Variants in CINP observed in about 807,000 individuals in gnomAD.
CINP encodes cyclin dependent kinase 2 interacting protein.
A neutral mutation model predicts 20.5 loss-of-function variants in CINP; 11 were observed. The observed-to-expected ratio is 0.54, with a 90% confidence interval of 0.34 to 0.89. The LOEUF is 0.89. Ranked by LOEUF, CINP falls within the 40% of genes least tolerant of loss-of-function variation. The pLI, the probability that CINP is intolerant of heterozygous loss-of-function variation, is 0.02. For missense variants in CINP, 213 were observed against 251.0 expected (o/e 0.85, Z 1.02); for synonymous variants, 108 against 102.1 (o/e 1.06, Z -0.35).
At chr14:102,360,874 G>A (rs1310723182) in intron 1 of CINP, among the ~76,000 whole-genome samples, 1 of 152,114 alleles carries the variant, frequency 6.6e-6, no homozygotes, top group Non-Finnish European at 1.5e-5. Context: ...CTCATACTTA[G>A]TATCCTCACT....
chr14:102,349,903 A>G lies in CINP; in HGVS notation c.436+16T>C. Reference sequence around the variant, plus strand: ...CCTTTACCCTCCTGAAAATCAACTGAGAAGGAACTACTTACAGAAATGGGT... The same window carrying G: ...CCTTTACCCTCCTGAAAATCAACTGGGAAGGAACTACTTACAGAAATGGGT... On this transcript the variant is annotated intron_variant, in intron 4 of 4. Transcript: ENST00000216756. 3 of 1,613,574 alleles carry G rather than the reference A, an allele frequency of 1.9e-6. No individual in the cohort carries two copies. Among genetic ancestry groups the G allele is most frequent in the South Asian group, 2.2e-5 (2 of 90,914 alleles).
intron 2 of CINP, 111 bp from the exon 3 acceptor site, chr14:102,356,008 G>T: frequency 9.0e-7 from 1 of 1,105,272 alleles, no homozygotes; most frequent in Non-Finnish European, 1.3e-6. Context: ...GGGACATTTT[G>T]CATAAGCATT....
chr14:102,354,101 T>C (rs1886938764), intron 3 of CINP, among the ~76,000 whole-genome samples: 2 of 152,154 alleles, frequency 1.3e-5, no homozygotes, highest in Admixed American at 6.5e-5. Context: ...GGTGAAAATA[T>C]AAAGATCTTA....
At position 102,359,455 on chromosome 14, in the gene CINP, G is replaced by C. The variant is rs1041974009; in HGVS notation, c.140C>G (p.Thr47Ser). 1.9e-6 allele frequency: 3 copies of C among 1,604,004 alleles called. No individual in the cohort carries two copies. Among genetic ancestry groups the C allele is most frequent in the East Asian group, 2.2e-5 (1 of 44,544 alleles). The change falls in exon 2 of 5, where the codon ACT becomes AGT. Residue 47 changes from threonine to serine, a missense_variant. Thr to Ser is a moderately conservative substitution (Grantham distance 58). Transcript: ENST00000216756. ...WETLNDAGFT[T>S]ANNIANLKIS... is the part of the protein sequence containing the mutation. ...TTTCAAGTTGGCAATATTATTTGCA[G>C]TGGTAAAACCTGCATCATTGAGGGT...
intron 4 of CINP, among the ~76,000 whole-genome samples, chr14:102,349,682 A>G (rs1182553134): frequency 1.3e-5 from 2 of 152,218 alleles, no homozygotes; most frequent in African/African-American, 4.8e-5. Flanking sequence ...CATTGGTTTT[A>G]GAGGCCTAAT....
intron 3 of CINP, chr14:102,352,621 C>T: frequency 2.3e-6 from 1 of 444,162 alleles, no homozygotes; most frequent in Non-Finnish European, 4.5e-6. Context: ...TGGTTTTGAA[C>T]ATAGAATGAG....
rs1255422318 is a variant in CINP, at chr14:102,348,385, G to A, written c.*172C>T. 4 of 619,088 alleles carry A rather than the reference G, an allele frequency of 6.5e-6. No homozygotes were observed. The highest frequency in any genetic ancestry group is 1.1e-5 in the Non-Finnish European group (4 of 356,862). 38.3% of individuals were successfully genotyped at this position (619,088 alleles called of 1,614,324 possible). A position where few individuals can be genotyped will look rare whatever the true frequency, so the allele number is the denominator to read the frequency against. ...CAGCACCACGTGGGGCTGGCCGCGGGTTGTGGGCATGAGCACGCCTGGAGA... is the reference window on the plus strand; with the variant it reads ...CAGCACCACGTGGGGCTGGCCGCGGATTGTGGGCATGAGCACGCCTGGAGA... On this transcript the variant is annotated 3_prime_UTR_variant, in exon 5 of 5. Coordinates refer to ENST00000216756, the MANE Select transcript of CINP (RefSeq NM_032630.3).
At position 102,351,380 on chromosome 14, in the gene CINP, C is replaced by T. The variant is rs1398341200; in HGVS notation, c.307-1332G>A. On this transcript the variant is annotated intron_variant, in intron 3 of 4. Transcript: ENST00000216756. This position sits in a 1 kb window ranked among gnomAD's most constrained non-coding sequence, Gnocchi z 4.2. ...AGGCAGCACAGAATAGGGGCAATGGCGGGCTTACTTTCACAGCTTGGTGAA... is the reference window on the plus strand; with the variant it reads ...AGGCAGCACAGAATAGGGGCAATGGTGGGCTTACTTTCACAGCTTGGTGAA... Among the ~76,000 whole-genome samples, 5 of 152,074 alleles carry T rather than the reference C, an allele frequency of 3.3e-5. No homozygotes were observed. Among genetic ancestry groups the T allele is most frequent in the Admixed American group, 6.6e-5 (1 of 15,266 alleles).
At chr14:102,358,301 G>A (rs1010308959) in intron 2 of CINP, among the ~76,000 whole-genome samples, 6 of 152,212 alleles carry the variant, frequency 3.9e-5, no homozygotes, top group African/African-American at 1.2e-4. Context: ...GAGGTCTAAT[G>A]TGGGTAAACA....
At chr14:102,355,080 AAAAG>A (rs1886966788) in intron 3 of CINP, among the ~76,000 whole-genome samples, 1 of 152,012 alleles carries the variant, frequency 6.6e-6, no homozygotes, top group Admixed American at 6.6e-5. Flanking sequence ...AAAAAAAAAA[AAAAG>A]AAAATCCAAA....
At chr14:102,358,769 G>C (rs1046323758) in intron 2 of CINP, among the ~76,000 whole-genome samples, 5 of 152,106 alleles carry the variant, frequency 3.3e-5, no homozygotes, top group Non-Finnish European at 7.4e-5. Context: ...TCCAAAAATG[G>C]ATGAAAAGAA....
intron 3 of CINP, chr14:102,352,505 C>G (rs765659805): frequency 2.2e-6 from 1 of 455,942 alleles, no homozygotes; most frequent in South Asian, 1.5e-5. Flanking sequence ...GCATGAAACC[C>G]CCAGAAGGTC....
chr14:102,349,560 A>T (rs1886819909), intron 4 of CINP, among the ~76,000 whole-genome samples: 1 of 152,136 alleles, frequency 6.6e-6, no homozygotes, highest in Non-Finnish European at 1.5e-5. Context: ...TTTTTAATTA[A>T]AACAAAAAAC....
At chr14:102,362,821 G>A (rs372702056) in intron 1 of CINP, 24 bp downstream of exon 1, 6 of 1,613,924 alleles carry the variant, frequency 3.7e-6, no homozygotes, top group Admixed American at 1.7e-5. Flanking sequence ...ACCCCACCCC[G>A]GGAAAGGAAC....
At chr14:102,359,715 G>A in intron 1 of CINP, 128 bp from the exon 2 acceptor site, 1 of 571,352 alleles carries the variant, frequency 1.8e-6, no homozygotes, top group Non-Finnish European at 2.9e-6. Flanking sequence ...AAATAAATGT[G>A]GAAACTACAA....
chr14:102,359,558 T>A lies in CINP; in HGVS notation c.37A>T (p.Lys13Ter). 1.2e-6 allele frequency: 2 copies of A among 1,612,176 alleles called. No homozygotes were observed. The highest frequency in any genetic ancestry group is 1.7e-6 in the Non-Finnish European group (2 of 1,179,010). ...AKTLGTVTPR[K>*]PVLSVSARKI... ...CTTGCACTGACAGATAAGACAGGTT[T>A]TCTGGGCGTTACAGTTCCAAGAGTC... The change falls in exon 2 of 5, where the codon AAA becomes TAA. Residue 13 changes from lysine (K) to a stop codon, truncating the protein, a stop_gained. Coordinates refer to ENST00000216756, the MANE Select transcript of CINP (RefSeq NM_032630.3). LOFTEE classifies it high-confidence loss of function.
In CINP at chr14:102,348,475, A is replaced by C; in HGVS notation, c.*82T>G. On this transcript the variant is annotated 3_prime_UTR_variant, in exon 5 of 5. Transcript: ENST00000216756. ...AAGGTCTGATCCTGGGGTCTGATCC[A>C]GGCCTGCGGCACTGGGTCCTAGGCA... 1 of 1,299,236 alleles carries C rather than the reference A, an allele frequency of 7.7e-7. No homozygotes were observed. The highest frequency in any genetic ancestry group is 1.5e-5 in the African/African-American group (1 of 68,730). 80.5% of individuals were successfully genotyped at this position (1,299,236 alleles called of 1,614,324 possible). A position where few individuals can be genotyped will look rare whatever the true frequency, so the allele number is the denominator to read the frequency against.
intron 3 of CINP, among the ~76,000 whole-genome samples, chr14:102,354,897 C>T (rs1886962947): frequency 1.3e-5 from 2 of 151,914 alleles, no homozygotes; most frequent in South Asian, 4.2e-4. Context: ...TGGTGAAATG[C>T]TGTCTCTACT....
At chr14:102,361,010 G>A (rs955730207) in intron 1 of CINP, among the ~76,000 whole-genome samples, 6 of 152,306 alleles carry the variant, frequency 3.9e-5, no homozygotes, top group Non-Finnish European at 8.8e-5. Flanking sequence ...CCGTTTTCAT[G>A]GAACTTACTT....
Sources: gnomAD v4.1 joint callset for allele counts (sites outside exome capture counted in the v4.1 genomes callset) on GRCh38, gnomAD v4.1.1 for gene constraint, Gnocchi (gnomAD v3.1) non-coding constraint, MANE v1.5 for transcripts, NCBI Gene and HGNC (gene_info 2026-07-23, HGNC 2026-07-21) for gene names.